The following GPHN variants were observed in gnomAD, a reference collection of about 807,000 sequenced individuals.
The protein encoded by GPHN is gephyrin.
A neutral mutation model predicts 95.5 loss-of-function variants in GPHN; 17 were observed. The observed-to-expected ratio is 0.18, with a 90% CI of 0.12 to 0.27. The LOEUF (loss-of-function observed/expected upper bound fraction) is 0.27, where lower values mean the gene tolerates loss of function less well. Among genes scored for constraint, GPHN ranks in the 10% least tolerant of loss-of-function variants. The probability of loss-of-function intolerance (pLI) is 1.00; values close to 1 mark genes in which losing one functional copy is unlikely to be tolerated. For synonymous variants in GPHN, 320 were observed against 322.5 expected (o/e 0.99, Z 0.08); for missense variants, 660 against 978.1 (o/e 0.67, Z 4.34).
chr14:66,643,838 C>A (rs371808860), intron 1 of GPHN, among the ~76,000 whole-genome samples: 1 of 148,906 alleles, frequency 6.7e-6, no homozygotes, highest in African/African-American at 2.5e-5. Flanking sequence ...TCTTTTTATT[C>A]TTTTTCTTAT....
the GPHN span, among the ~76,000 whole-genome samples, chr14:67,317,972 A>G: frequency 0.15 from 23,544 of 152,178 alleles, 3,439 homozygotes; most frequent in East Asian, 0.42. Flanking sequence ...CTAGGTGACA[A>G]CAGTCTGCTG....
chr14:66,513,843 ATTAATT>A (rs1478042841), intron 1 of GPHN, among the ~76,000 whole-genome samples: 1 of 151,948 alleles, frequency 6.6e-6, no homozygotes, highest in African/African-American at 2.4e-5. Flanking sequence ...TTTTTAATAA[ATTAATT>A]TTAACTAAGT....
At chr14:67,660,080 C>A in the GPHN span, 4 of 734,984 alleles carry the variant, frequency 5.4e-6, no homozygotes, top group Non-Finnish European at 8.6e-6. Flanking sequence ...GGCATGTTCC[C>A]CTCATTCTGA....
At chr14:67,039,899 C>T (rs573799093) in intron 10 of GPHN, among the ~76,000 whole-genome samples, 1 of 152,324 alleles carries the variant, frequency 6.6e-6, no homozygotes, top group African/African-American at 2.4e-5. Context: ...AACCGTTCTA[C>T]TTTGTCAGTC....
chr14:67,241,253 C>T, the GPHN span: 1 of 152,274 alleles, frequency 6.6e-6, no homozygotes, highest in Admixed American at 6.5e-5. Context: ...GATCCGCGCG[C>T]CCACTGCGCC....
rs56342549 is a variant in GPHN, at chr14:66,683,010, TA to T, written c.143+1835del. Among the ~76,000 whole-genome samples the T allele has an allele frequency of 3.2e-3, 473 of 149,008 alleles. 4 individuals carry two copies. The highest frequency in any genetic ancestry group is 0.011 in the African/African-American group (435 of 40,728). ...AATTCTATATTTAATTTTAGTATTC[TA>T]AAAAAAAAATTCATCTCAGACTACT... is the stretch of plus-strand genomic sequence containing the variant. On this transcript the variant is annotated intron_variant, in intron 2 of 22. Coordinates refer to ENST00000478722, the MANE Select transcript of GPHN (RefSeq NM_020806.5).
At chr14:67,064,742 T>C (rs2075973646) in intron 11 of GPHN, among the ~76,000 whole-genome samples, 1 of 152,246 alleles carries the variant, frequency 6.6e-6, no homozygotes, top group Non-Finnish European at 1.5e-5. Context: ...TGGTATTCTC[T>C]GATGGTAATT....
At chr14:66,808,183 T>C (rs2060623390) in intron 3 of GPHN, among the ~76,000 whole-genome samples, 1 of 152,228 alleles carries the variant, frequency 6.6e-6, no homozygotes, top group Non-Finnish European at 1.5e-5. Context: ...ATCTCTTCTT[T>C]TGTGAAGTGC....
chr14:67,408,661 G>T, the GPHN span, among the ~76,000 whole-genome samples: 1 of 152,094 alleles, frequency 6.6e-6, no homozygotes, highest in African/African-American at 2.4e-5. Context: ...GAATGCCAAG[G>T]GTTGCCTGCA....
intron 2 of GPHN, among the ~76,000 whole-genome samples, chr14:66,703,308 A>C (rs1171516948): frequency 6.6e-6 from 1 of 152,106 alleles, no homozygotes; most frequent in East Asian, 1.9e-4. Context: ...CACCACTAAG[A>C]TACTCCACAA....
At chr14:67,312,647 A>C in the GPHN span, 2 of 1,613,532 alleles carry the variant, frequency 1.2e-6, no homozygotes, top group South Asian at 2.2e-5. Flanking sequence ...AGAAGATCCA[A>C]ACTGGTGGCA....
intron 4 of GPHN, among the ~76,000 whole-genome samples, chr14:66,832,272 GCAATAAATGCATGTAAAAGGA>G (rs1451090320): frequency 6.6e-6 from 1 of 152,120 alleles, no homozygotes; most frequent in Non-Finnish European, 1.5e-5. Context: ...GTAGTAAATG[GCAATAAATGCATGTAAAAGGA>G]TCTAACATAA....
the GPHN span, chr14:67,678,427 G>A: frequency 6.3e-7 from 1 of 1,597,252 alleles, no homozygotes; most frequent in Non-Finnish European, 8.6e-7. Context: ...ACAGTCACTG[G>A]AAGGTAAAGA....
the GPHN span, among the ~76,000 whole-genome samples, chr14:67,266,890 A>C: frequency 6.6e-6 from 1 of 152,002 alleles, no homozygotes. Context: ...TGGACAGATC[A>C]CTTGAGCCTA....
chr14:67,100,060 T>G (rs539033650), intron 12 of GPHN, among the ~76,000 whole-genome samples: 1 of 152,066 alleles, frequency 6.6e-6, no homozygotes, highest in African/African-American at 2.4e-5. Context: ...TTTTAATAAA[T>G]TTTTTATCCC....
chr14:67,359,516 G>T, the GPHN span: 2 of 881,228 alleles, frequency 2.3e-6, no homozygotes, highest in Non-Finnish European at 3.4e-6. Context: ...AGGAAGCCTC[G>T]CCCTAGACTC....
the GPHN span, chr14:67,617,462 T>A: frequency 6.6e-6 from 1 of 152,238 alleles, no homozygotes; most frequent in Non-Finnish European, 1.5e-5. Flanking sequence ...CAGTATGGAA[T>A]TTTCCACTTG....
At chr14:67,653,593 T>G in the GPHN span, 1 of 1,113,052 alleles carries the variant, frequency 9.0e-7, no homozygotes. Flanking sequence ...AAGGGATATA[T>G]GTTGAAAAAT....
At chr14:67,120,336 T>C (rs1235396178) in intron 16 of GPHN, among the ~76,000 whole-genome samples, 1 of 152,098 alleles carries the variant, frequency 6.6e-6, no homozygotes, top group Non-Finnish European at 1.5e-5. Flanking sequence ...AAAGGAAAAA[T>C]TGTGAGTTTA....
Sources: gnomAD v4.1 joint callset for allele counts (sites outside exome capture counted in the v4.1 genomes callset) on GRCh38, gnomAD v4.1.1 for gene constraint, MANE v1.5 for transcripts, NCBI Gene and HGNC (gene_info 2026-07-23, HGNC 2026-07-21) for gene names.